CCDC30: variants seen among roughly 807,000 people sequenced by gnomAD.
CCDC30 encodes the protein coiled-coil domain-containing protein 30.
CCDC30 carries 70 observed loss-of-function variants against 100.2 expected under a neutral mutation model. The observed-to-expected ratio is 0.70, with a 90% CI of 0.58 to 0.85. The LOEUF (loss-of-function observed/expected upper bound fraction) is 0.85. CCDC30 is among the 40% of genes least tolerant of loss of function. The pLI, the probability that CCDC30 is intolerant of heterozygous loss-of-function variation, is 0.00. For synonymous variants in CCDC30, 233 were observed against 269.5 expected (o/e 0.86, Z 1.33); for missense variants, 652 against 771.2 (o/e 0.85, Z 1.83).
At chr1:42,457,593 TG>T in the CCDC30 span, 1 of 524,732 alleles carries the variant, frequency 1.9e-6, no homozygotes. Context: ...AGTCAGATCA[TG>T]GGGCGAGTGA....
intron 1 of CCDC30, among the ~76,000 whole-genome samples, chr1:42,478,812 A>G (rs1467464207): frequency 1.3e-5 from 2 of 152,098 alleles, no homozygotes; most frequent in Non-Finnish European, 2.9e-5. Flanking sequence ...CAAGATACCC[A>G]TTTTATGATA....
At chr1:42,485,241 G>A (rs1258716153) in intron 3 of CCDC30, among the ~76,000 whole-genome samples, 1 of 151,980 alleles carries the variant, frequency 6.6e-6, no homozygotes, top group African/African-American at 2.4e-5. Flanking sequence ...AGAAAACAAG[G>A]AAAACATCTT....
At chr1:42,559,121 G>A (rs373500893) in intron 6 of CCDC30, among the ~76,000 whole-genome samples, 4 of 152,018 alleles carry the variant, frequency 2.6e-5, no homozygotes, top group African/African-American at 4.8e-5. Context: ...CCAGGCCTGC[G>A]CTGCAAGAGC....
chr1:42,533,929 C>T (rs949907342), intron 6 of CCDC30: 1 of 151,040 alleles, frequency 6.6e-6, no homozygotes, highest in Non-Finnish European at 1.5e-5. Flanking sequence ...CATTAGTCCT[C>T]TTTGCTTACT....
intron 15 of CCDC30, among the ~76,000 whole-genome samples, chr1:42,651,731 G>C (rs147662396): frequency 4.0e-4 from 61 of 152,204 alleles, no homozygotes; most frequent in Non-Finnish European, 6.6e-4. Context: ...TTAATTAGTT[G>C]GGTGTGGTGG....
At chr1:42,640,988 T>A (rs1647339900) in intron 12 of CCDC30, among the ~76,000 whole-genome samples, 1 of 150,804 alleles carries the variant, frequency 6.6e-6, no homozygotes, top group African/African-American at 2.4e-5. Flanking sequence ...GGGCACAGTG[T>A]CTCATGCCTG....
chr1:42,475,705 A>G (rs373711453), intron 1 of CCDC30, among the ~76,000 whole-genome samples: 3 of 152,200 alleles, frequency 2.0e-5, no homozygotes, highest in African/African-American at 7.2e-5. Flanking sequence ...TGAAATGTGT[A>G]TGAGAGTGCA....
chr1:42,626,273 A>C (rs995399871), intron 11 of CCDC30, among the ~76,000 whole-genome samples: 2 of 152,070 alleles, frequency 1.3e-5, no homozygotes, highest in African/African-American at 4.8e-5. Flanking sequence ...TTTTTGTAGG[A>C]AATAGATCAT....
At chr1:42,530,248 A>G (rs1644786472) in intron 6 of CCDC30, among the ~76,000 whole-genome samples, 3 of 152,226 alleles carry the variant, frequency 2.0e-5, no homozygotes, top group African/African-American at 7.2e-5. Context: ...GCCATCTCAC[A>G]TCATCTCAAG....
At chr1:42,506,361 G>A (rs575369353) in intron 6 of CCDC30, among the ~76,000 whole-genome samples, 1 of 152,250 alleles carries the variant, frequency 6.6e-6, no homozygotes, top group Non-Finnish European at 1.5e-5. Context: ...CCTATAGCTT[G>A]ATTATAAACT....
At chr1:42,648,764 G>T (rs1341799694) in intron 15 of CCDC30, among the ~76,000 whole-genome samples, 2 of 150,750 alleles carry the variant, frequency 1.3e-5, no homozygotes, top group South Asian at 2.1e-4. Flanking sequence ...AAAAAGTTGG[G>T]TTTTTTTTTA....
intron 6 of CCDC30, among the ~76,000 whole-genome samples, chr1:42,512,025 G>A (rs544167571): frequency 7.9e-5 from 12 of 152,326 alleles, no homozygotes; most frequent in African/African-American, 2.4e-4. Context: ...TCTATAGATT[G>A]TAGATTAACT....
chr1:42,578,091 G>A (rs989188192), intron 8 of CCDC30, among the ~76,000 whole-genome samples: 17 of 152,156 alleles, frequency 1.1e-4, no homozygotes, highest in African/African-American at 3.1e-4. Context: ...TAGATTGCCC[G>A]ACACTAGGTG....
At chr1:42,519,344 A>G in intron 6 of CCDC30, among the ~76,000 whole-genome samples, 1 of 152,186 alleles carries the variant, frequency 6.6e-6, no homozygotes, top group East Asian at 1.9e-4. Flanking sequence ...TTAAAGGAAC[A>G]TTGGGAAAAA....
At chr1:42,501,889 C>G (rs1031478348) in intron 6 of CCDC30, among the ~76,000 whole-genome samples, 1 of 141,446 alleles carries the variant, frequency 7.1e-6, no homozygotes, top group Non-Finnish European at 1.5e-5. Context: ...CCCAGTTAGG[C>G]TACTCAGGTG....
At chr1:42,482,851 T>C in intron 3 of CCDC30, 35 bp downstream of exon 3, 2 of 1,212,154 alleles carry the variant, frequency 1.6e-6, no homozygotes, top group East Asian at 3.2e-5. Context: ...TTTCCGATCA[T>C]GCTTTAACTG....
rs148514104 is a variant in CCDC30, at chr1:42,596,268, C to T, written c.1164+6785C>T. Reference sequence around the variant, plus strand: ...CCAGAGGGACCCAGTCATTAGGGGACTTAGACACATTTGTGAGTTTTACCT... The same window carrying T: ...CCAGAGGGACCCAGTCATTAGGGGATTTAGACACATTTGTGAGTTTTACCT... On this transcript the variant is annotated intron_variant, in intron 10 of 16. Transcript: ENST00000668663. This position sits in a 1 kb window ranked among gnomAD's most constrained non-coding sequence, Gnocchi z 4.3. Among the ~76,000 whole-genome samples, 689 of 152,256 alleles carry T rather than the reference C, an allele frequency of 4.5e-3. 4 individuals are homozygous for T. The highest frequency in any genetic ancestry group is 0.031 in the Middle Eastern group (9 of 294).
At chr1:42,507,430 A>G (rs753138583) in intron 6 of CCDC30, among the ~76,000 whole-genome samples, 2 of 152,228 alleles carry the variant, frequency 1.3e-5, no homozygotes, top group Non-Finnish European at 2.9e-5. Flanking sequence ...AGGTTTACAC[A>G]TGGGATTTTT....
chr1:42,580,334 G>T (rs1353743337), intron 8 of CCDC30, among the ~76,000 whole-genome samples: 1 of 152,184 alleles, frequency 6.6e-6, no homozygotes. Flanking sequence ...AGAGACCTAG[G>T]TGCAGGGGCT....
Sources: gnomAD v4.1 joint callset for allele counts (sites outside exome capture counted in the v4.1 genomes callset) on GRCh38, gnomAD v4.1.1 for gene constraint, Gnocchi (gnomAD v3.1) non-coding constraint, MANE v1.5 for transcripts, NCBI Gene and HGNC (gene_info 2026-07-23, HGNC 2026-07-21) for gene names.